The following MTUS2 variants were observed in gnomAD, a reference collection of about 807,000 sequenced individuals.
MTUS2 encodes microtubule associated scaffold protein 2.
MTUS2 carries 40 observed loss-of-function variants against 114.1 expected under a neutral mutation model. The ratio of observed to expected loss-of-function variants is 0.35; its 90% CI spans 0.27 to 0.46. MTUS2 has a LOEUF of 0.46. Among genes scored for constraint, MTUS2 ranks in the 20% least tolerant of loss-of-function variants. MTUS2 has a pLI of 1.00. For missense variants in MTUS2, 1,679 were observed against 1,705.4 expected (o/e 0.98, Z 0.27); for synonymous variants, 688 against 672.0 (o/e 1.02, Z -0.37).
At chr13:28,821,980 A>G (rs886238164) in intron 1 of MTUS2, among the ~76,000 whole-genome samples, 1 of 152,244 alleles carries the variant, frequency 6.6e-6, no homozygotes, top group African/African-American at 2.4e-5. Flanking sequence ...CTTAAGTGAT[A>G]TATTTCATTT....
At chr13:28,961,891 C>A (rs548811002) in intron 2 of MTUS2, among the ~76,000 whole-genome samples, 25 of 152,146 alleles carry the variant, frequency 1.6e-4, no homozygotes, top group African/African-American at 6.0e-4. Flanking sequence ...TTTGCAAATT[C>A]TTGTTATTTT....
At chr13:29,169,035 T>C (rs1893443267) in intron 5 of MTUS2, among the ~76,000 whole-genome samples, 1 of 152,170 alleles carries the variant, frequency 6.6e-6, no homozygotes, top group African/African-American at 2.4e-5. Context: ...CTTTTCTTTT[T>C]AGGTTGTGAC....
chr13:29,046,725 C>T (rs1566322518), intron 4 of MTUS2, among the ~76,000 whole-genome samples: 2 of 99,930 alleles, frequency 2.0e-5, no homozygotes, highest in Non-Finnish European at 4.1e-5. Context: ...TACCCCTCCC[C>T]CACCTCCTTT....
At chr13:28,984,175 C>T (rs1884477083) in intron 2 of MTUS2, among the ~76,000 whole-genome samples, 1 of 152,140 alleles carries the variant, frequency 6.6e-6, no homozygotes, top group Non-Finnish European at 1.5e-5. Flanking sequence ...TTGCTGAATT[C>T]TGCATCGTGT....
intron 5 of MTUS2, among the ~76,000 whole-genome samples, chr13:29,128,857 A>G (rs1488326096): frequency 6.6e-6 from 1 of 152,202 alleles, no homozygotes; most frequent in Non-Finnish European, 1.5e-5. Context: ...TTTCATATAT[A>G]TAAAACTGAA....
intron 2 of MTUS2, among the ~76,000 whole-genome samples, chr13:29,024,182 C>T (rs1332401277): frequency 6.6e-6 from 1 of 152,174 alleles, no homozygotes; most frequent in African/African-American, 2.4e-5. Context: ...TCTCCTCCAT[C>T]CTTTTAAATC....
intron 5 of MTUS2, among the ~76,000 whole-genome samples, chr13:29,223,230 C>G (rs751667410): frequency 1.3e-5 from 2 of 152,128 alleles, no homozygotes; most frequent in Admixed American, 6.5e-5. Context: ...TCCATGGCCA[C>G]CCATGGACAA....
At chr13:29,067,477 AT>A (rs1351747876) in intron 4 of MTUS2, among the ~76,000 whole-genome samples, 1 of 152,188 alleles carries the variant, frequency 6.6e-6, no homozygotes, top group Non-Finnish European at 1.5e-5. Context: ...GGGATTGGAA[AT>A]TAGGAAGCAG....
intron 5 of MTUS2, among the ~76,000 whole-genome samples, chr13:29,250,039 G>C (rs2139426880): frequency 6.6e-6 from 1 of 152,214 alleles, no homozygotes; most frequent in South Asian, 2.1e-4. Flanking sequence ...TGTAATTAAA[G>C]AGCTTCTGCA....
chr13:29,164,100 C>T (rs769558606), intron 5 of MTUS2, among the ~76,000 whole-genome samples: 2 of 152,132 alleles, frequency 1.3e-5, no homozygotes, highest in Non-Finnish European at 1.5e-5. Flanking sequence ...AATTGTTGTG[C>T]GGTATTTCCC....
At chr13:28,873,893 A>G (rs112514711) in intron 2 of MTUS2, among the ~76,000 whole-genome samples, 1 of 152,226 alleles carries the variant, frequency 6.6e-6, no homozygotes, top group African/African-American at 2.4e-5. Context: ...GTTCCAAGTG[A>G]CAATAAGTAT....
intron 7 of MTUS2, among the ~76,000 whole-genome samples, chr13:29,325,556 GAGGAAGAA>G (rs1566132132): frequency 1.7e-5 from 1 of 59,734 alleles, no homozygotes. Flanking sequence ...GAAGGAAGAA[GAGGAAGAA>G]GAAGAAGAGG....
chr13:28,963,399 A>AT (rs1883426645), intron 2 of MTUS2, among the ~76,000 whole-genome samples: 1 of 152,210 alleles, frequency 6.6e-6, no homozygotes, highest in African/African-American at 2.4e-5. Context: ...GTATCTGCAT[A>AT]TGTGTAAATA....
At chr13:29,493,212 G>A (rs1264715929) in intron 12 of MTUS2, among the ~76,000 whole-genome samples, 1 of 152,196 alleles carries the variant, frequency 6.6e-6, no homozygotes. Context: ...GCCACCTTTA[G>A]GAAACGCTGG....
chr13:29,357,172 CATGATG>C (rs55637032), intron 7 of MTUS2, among the ~76,000 whole-genome samples: 9 of 150,906 alleles, frequency 6.0e-5, no homozygotes, highest in African/African-American at 1.2e-4. Context: ...TAATTTCTAA[CATGATG>C]ATGATGATGA....
At chr13:29,406,140 C>T (rs1874735030) in intron 8 of MTUS2, among the ~76,000 whole-genome samples, 1 of 152,160 alleles carries the variant, frequency 6.6e-6, no homozygotes, top group Non-Finnish European at 1.5e-5. Flanking sequence ...CTGCTGTGCA[C>T]CTCTCCATGA....
chr13:29,238,219 A>G (rs1256270582), intron 5 of MTUS2, among the ~76,000 whole-genome samples: 5 of 152,246 alleles, frequency 3.3e-5, no homozygotes, highest in Admixed American at 1.3e-4. Context: ...AATGTTGTTC[A>G]GCCTTTAAAA....
intron 2 of MTUS2, among the ~76,000 whole-genome samples, chr13:29,005,980 A>G (rs911584349): frequency 6.6e-6 from 1 of 152,244 alleles, no homozygotes; most frequent in African/African-American, 2.4e-5. Flanking sequence ...GATTGTAGCT[A>G]GCTCTTTTAA....
intron 5 of MTUS2, among the ~76,000 whole-genome samples, chr13:29,226,218 T>TA (rs1896102879): frequency 6.6e-6 from 1 of 152,206 alleles, no homozygotes; most frequent in African/African-American, 2.4e-5. Context: ...AGTTAAAAGA[T>TA]ACATGTTTAA....
Sources: gnomAD v4.1 joint callset for allele counts (sites outside exome capture counted in the v4.1 genomes callset) on GRCh38, gnomAD v4.1.1 for gene constraint, MANE v1.5 for transcripts, NCBI Gene and HGNC (gene_info 2026-07-23, HGNC 2026-07-21) for gene names.